Variants in RHOBTB1 observed in about 807,000 individuals in gnomAD.
RHOBTB1 encodes the protein Rho related BTB domain containing 1.
Under a neutral mutation model 71.6 loss-of-function variants are expected in RHOBTB1, and 40 were observed. The ratio of observed to expected loss-of-function variants is 0.56; its 90% confidence interval spans 0.43 to 0.73. The LOEUF is 0.73. Among genes scored for constraint, RHOBTB1 ranks in the 30% least tolerant of loss-of-function variants. The probability of loss-of-function intolerance (pLI) is 0.00; values close to 1 mark genes in which losing one functional copy is unlikely to be tolerated. For synonymous variants in RHOBTB1, 319 were observed against 334.9 expected, an observed-to-expected ratio of 0.95 and a Z score of 0.52; for missense variants, 797 against 894.0, an observed-to-expected ratio of 0.89 and a Z score of 1.38.
chr10:60,941,339 A>G (rs2084891361), intron 2 of RHOBTB1, among the ~76,000 whole-genome samples: 2 of 152,164 alleles, frequency 1.3e-5, no homozygotes, highest in African/African-American at 2.4e-5. Context: ...TTCACCTCCC[A>G]GAGATTTTTT....
At chr10:60,879,535 C>T (rs1034248473) in intron 7 of RHOBTB1, among the ~76,000 whole-genome samples, 4 of 151,042 alleles carry the variant, frequency 2.6e-5, no homozygotes, top group African/African-American at 4.9e-5. Context: ...GTAGAAATGG[C>T]GGGCTTGCTA....
chr10:60,944,711 A>G (rs1013089987), upstream of RHOBTB1, among the ~76,000 whole-genome samples: 1 of 152,078 alleles, frequency 6.6e-6, no homozygotes, highest in African/African-American at 2.4e-5. Context: ...CCGAGGGAGG[A>G]CATTGGCTTT....
chr10:60,951,696 C>T (rs755664919), intron 2 of RHOBTB1, among the ~76,000 whole-genome samples: 46 of 152,198 alleles, frequency 3.0e-4, no homozygotes, highest in Non-Finnish European at 4.6e-4. Context: ...AAGCTTCATG[C>T]TTCTCCATCC....
At chr10:60,981,861 C>G (rs2086507230) in intron 2 of RHOBTB1, among the ~76,000 whole-genome samples, 1 of 152,078 alleles carries the variant, frequency 6.6e-6, no homozygotes, top group African/African-American at 2.4e-5. Context: ...CCTCTGCCTC[C>G]TGGGTTCAAG....
At chr10:60,946,798 C>T (rs1055723503), upstream of RHOBTB1, among the ~76,000 whole-genome samples, 1 of 152,308 alleles carries the variant, frequency 6.6e-6, no homozygotes, top group African/African-American at 2.4e-5. Flanking sequence ...CCAGGGCACA[C>T]CAAGGCTCAC....
At chr10:60,902,367 A>T (rs951030206) in intron 4 of RHOBTB1, among the ~76,000 whole-genome samples, 1 of 152,174 alleles carries the variant, frequency 6.6e-6, no homozygotes, top group African/African-American at 2.4e-5. Flanking sequence ...GCAATAATCC[A>T]CCTTTAATTG....
intron 2 of RHOBTB1, among the ~76,000 whole-genome samples, chr10:60,930,552 A>T (rs1271178357): frequency 6.6e-6 from 1 of 152,220 alleles, no homozygotes; most frequent in Non-Finnish European, 1.5e-5. Context: ...ATTGGGCCTC[A>T]TGCATTCACA....
chr10:60,888,408 C>T lies in RHOBTB1; in HGVS notation c.1260G>A (p.Thr420=), dbSNP rs775962799. Residue 420 remains threonine, a synonymous_variant, in exon 6 of 11, where the codon ACG becomes ACA. Transcript: ENST00000337910. ...PFRTLLQFLY[T]GQLDEKEKDL... ...CCTTTTCCTTTTCATCCAGTTGTCCCGTATAAAGAAACTGGAGCAGGGTCC... is the reference window on the plus strand; with the variant it reads ...CCTTTTCCTTTTCATCCAGTTGTCCTGTATAAAGAAACTGGAGCAGGGTCC... 6 of 1,614,090 alleles carry T rather than the reference C, an allele frequency of 3.7e-6. No homozygotes were observed. The highest frequency in any genetic ancestry group is 3.3e-5 in the Admixed American group (2 of 60,016).
intron 4 of RHOBTB1, among the ~76,000 whole-genome samples, chr10:60,901,179 TGATTTCTGTGTCTGCAATTCA>T (rs2082397680): frequency 3.3e-5 from 5 of 152,212 alleles, no homozygotes; most frequent in Admixed American, 3.3e-4. Flanking sequence ...TTCACTAATG[TGATTTCTGTGTCTGCAATTCA>T]GAACTTCCTC....
intron 2 of RHOBTB1, among the ~76,000 whole-genome samples, chr10:60,973,101 T>C (rs1044090354): frequency 1.6e-4 from 24 of 152,062 alleles, no homozygotes; most frequent in African/African-American, 5.6e-4. Flanking sequence ...TTTTTTTTTA[T>C]GATTTTCTCT....
In RHOBTB1 at chr10:60,976,459, C is replaced by T. The variant is rs369435497; in HGVS notation, c.-62+9386G>A. Among the ~76,000 whole-genome samples, 173 of 151,972 alleles carry T rather than the reference C, an allele frequency of 1.1e-3. 4 individuals carry two copies. In the South Asian group the frequency reaches 0.02, roughly 18 times the overall value. On this transcript the variant is annotated intron_variant, in intron 2 of 11. Transcript: ENST00000357917. ...CTCACAGGTCAAGTGTATCTAACTC[C>T]GAGTTAAGAAACTGTATACTGAAGT...
At chr10:60,958,685 T>C (rs2085677725) in intron 2 of RHOBTB1, among the ~76,000 whole-genome samples, 2 of 152,140 alleles carry the variant, frequency 1.3e-5, no homozygotes, top group South Asian at 4.1e-4. Context: ...TTCACTGCCT[T>C]GACTGCCTAG....
At chr10:60,933,094 T>C (rs1046046559) in intron 2 of RHOBTB1, among the ~76,000 whole-genome samples, 2 of 152,334 alleles carry the variant, frequency 1.3e-5, no homozygotes, top group Non-Finnish European at 2.9e-5. Context: ...CGTTAGACCA[T>C]AAATGCAAAA....
At position 60,988,230 on chromosome 10, in the gene RHOBTB1, G is replaced by A. The variant is rs1426523328; in HGVS notation, c.-162-2285C>T. ...ATTGCAGGCGTGAGCCATCACGCCC[G>A]GCCTGAAATACTCAACTTTTAACAC... On this transcript the variant is annotated intron_variant, in intron 1 of 11. Coordinates refer to the RHOBTB1 transcript ENST00000357917. Among the ~76,000 whole-genome samples the A allele has an allele frequency of 4.6e-5, 7 of 151,750 alleles. No homozygotes were observed. In the East Asian group the frequency reaches 7.7e-4, roughly 17 times the overall value.
upstream of RHOBTB1, among the ~76,000 whole-genome samples, chr10:60,945,649 C>T (rs187456780): frequency 4.2e-3 from 643 of 152,280 alleles, 1 homozygote; most frequent in Non-Finnish European, 7.1e-3. Context: ...AAAGGCTTGC[C>T]TGGTGCTCTC....
downstream of RHOBTB1, among the ~76,000 whole-genome samples, chr10:60,865,826 C>T (rs988589149): frequency 6.6e-6 from 1 of 152,002 alleles, no homozygotes; most frequent in Non-Finnish European, 1.5e-5. Flanking sequence ...GGAGTGGGAC[C>T]TGGAATTCAT....
intron 1 of RHOBTB1, among the ~76,000 whole-genome samples, chr10:60,993,686 C>T (rs1355961108): frequency 2.6e-5 from 4 of 151,722 alleles, no homozygotes; most frequent in Non-Finnish European, 4.4e-5. Context: ...TTTTATATTG[C>T]TCTACGGTGT....
At chr10:60,862,863 C>CCCTT in the RHOBTB1 span, among the ~76,000 whole-genome samples, 20,436 of 124,970 alleles carry the variant, frequency 0.16, 1,972 homozygotes, top group African/African-American at 0.25. Flanking sequence ...CTCCCTCCCT[C>CCCTT]CCTTCCTTCC....
intron 2 of RHOBTB1, among the ~76,000 whole-genome samples, chr10:60,983,840 C>T (rs901108111): frequency 6.6e-5 from 10 of 152,204 alleles, no homozygotes; most frequent in Non-Finnish European, 1.5e-4. Context: ...CGGCCCCGCC[C>T]TCCTTCTGGC....
Sources: gnomAD v4.1 joint callset for allele counts (sites outside exome capture counted in the v4.1 genomes callset) on GRCh38, gnomAD v4.1.1 for gene constraint, MANE v1.5 for transcripts, NCBI Gene and HGNC (gene_info 2026-07-23, HGNC 2026-07-21) for gene names.